The following KIF2A variants were observed in gnomAD, a reference collection of about 807,000 sequenced individuals.
The protein encoded by KIF2A is kinesin family member 2A.
A neutral mutation model predicts 100.2 loss-of-function variants in KIF2A; 22 were observed. The observed-to-expected ratio is 0.22, with a 90% CI of 0.16 to 0.31. The LOEUF is 0.31. Ranked by LOEUF, KIF2A falls within the 10% of genes least tolerant of loss-of-function variation. The pLI is 1.00. For missense variants in KIF2A, 495 were observed against 898.7 expected (o/e 0.55, Z 5.74); for synonymous variants, 268 against 285.9 (o/e 0.94, Z 0.63).
At chr5:62,308,460 G>A in intron 1 of KIF2A, 1 of 900,392 alleles carries the variant, frequency 1.1e-6, no homozygotes, top group Non-Finnish European at 1.8e-6. Context: ...GTTCATTGCA[G>A]CATTATTCAC....
chr5:62,366,171 A>G (rs1445333569), intron 15 of KIF2A, among the ~76,000 whole-genome samples: 3 of 151,726 alleles, frequency 2.0e-5, no homozygotes, highest in African/African-American at 7.3e-5. Context: ...CCTTCCAGGT[A>G]TTAACCTCCT....
chr5:62,357,379 CG>C (rs1347721854), intron 7 of KIF2A, among the ~76,000 whole-genome samples: 1 of 152,162 alleles, frequency 6.6e-6, no homozygotes, highest in Non-Finnish European at 1.5e-5. Flanking sequence ...CCATCATGCC[CG>C]GCCTCCTCAC....
intron 1 of KIF2A, among the ~76,000 whole-genome samples, chr5:62,314,539 A>C (rs922633370): frequency 6.6e-6 from 1 of 152,132 alleles, no homozygotes; most frequent in Admixed American, 6.5e-5. Flanking sequence ...GTTATGTGTA[A>C]TTTGGATATA....
At chr5:62,361,142 TAA>T (rs1442296788) in intron 9 of KIF2A, 98 bp from the exon 10 acceptor site, 17 of 523,146 alleles carry the variant, frequency 3.2e-5, no homozygotes, top group Non-Finnish European at 5.2e-5. Flanking sequence ...ATCTTGCTAT[TAA>T]GTTTTATTTA....
At chr5:62,334,522 C>T (rs1486874252) in intron 1 of KIF2A, among the ~76,000 whole-genome samples, 1 of 138,130 alleles carries the variant, frequency 7.2e-6, no homozygotes, top group Non-Finnish European at 1.6e-5. Flanking sequence ...TCCCCCTCTT[C>T]CTCCCCCTCT....
chr5:62,381,581 C>G (rs1452260427), intron 20 of KIF2A, among the ~76,000 whole-genome samples: 3 of 152,080 alleles, frequency 2.0e-5, no homozygotes, highest in East Asian at 1.9e-4. Context: ...CTTTCTGTGC[C>G]TTTTTTCGGG....
intron 1 of KIF2A, among the ~76,000 whole-genome samples, chr5:62,338,837 C>G (rs1414441262): frequency 6.6e-6 from 1 of 151,936 alleles, no homozygotes; most frequent in Admixed American, 6.6e-5. Context: ...ATATAGAATT[C>G]CTATAGAGAA....
chr5:62,331,762 GAAA>G (rs11418837), intron 1 of KIF2A, among the ~76,000 whole-genome samples: 1 of 142,652 alleles, frequency 7.0e-6, no homozygotes, highest in African/African-American at 2.6e-5. Context: ...AAATAGAAAC[GAAA>G]AAAAAAAAAA....
chr5:62,344,856 T>C (rs1007720596), intron 1 of KIF2A, among the ~76,000 whole-genome samples: 3 of 152,252 alleles, frequency 2.0e-5, no homozygotes, highest in Non-Finnish European at 2.9e-5. Flanking sequence ...AACACCAGTA[T>C]ATCATTTGAG....
chr5:62,352,520 C>T, intron 4 of KIF2A, 68 bp from the exon 5 acceptor site: 1 of 1,260,856 alleles, frequency 7.9e-7, no homozygotes, highest in Non-Finnish European at 1.1e-6. Context: ...GCTATCTCTT[C>T]CTTTTACTAA....
intron 16 of KIF2A, among the ~76,000 whole-genome samples, chr5:62,368,039 A>G (rs1313985883): frequency 6.6e-6 from 1 of 152,182 alleles, no homozygotes; most frequent in Non-Finnish European, 1.5e-5. Flanking sequence ...TAAAATACTT[A>G]TGCATATAGA....
chr5:62,363,977 T>A, intron 14 of KIF2A, 78 bp downstream of exon 14: 1 of 1,087,972 alleles, frequency 9.2e-7, no homozygotes, highest in Non-Finnish European at 1.3e-6. Context: ...AAAATAGTAG[T>A]ACTTGTTTTA....
At chr5:62,322,563 A>G (rs1481767416) in intron 1 of KIF2A, among the ~76,000 whole-genome samples, 3 of 152,194 alleles carry the variant, frequency 2.0e-5, no homozygotes, top group Non-Finnish European at 2.9e-5. Flanking sequence ...TTGACCTTTT[A>G]ACATAGAAAA....
At chr5:62,379,586 C>T (rs1741691722) in intron 19 of KIF2A, among the ~76,000 whole-genome samples, 1 of 151,548 alleles carries the variant, frequency 6.6e-6, no homozygotes, top group Admixed American at 6.6e-5. Flanking sequence ...TGCTTGAACC[C>T]AGCAGGCGGA....
intron 5 of KIF2A, 102 bp downstream of exon 5, chr5:62,352,812 G>A: frequency 1.2e-6 from 1 of 822,376 alleles, no homozygotes; most frequent in South Asian, 3.2e-5. Flanking sequence ...CTAAATACAA[G>A]CTTGATTGCA....
At position 62,343,964 on chromosome 5, in the gene KIF2A, A is replaced by G. The variant is rs115727428; in HGVS notation, c.65-3166A>G. Among the ~76,000 whole-genome samples, 1,016 of 152,302 alleles carry G rather than the reference A, an allele frequency of 6.7e-3. 19 individuals are homozygous for G. Among genetic ancestry groups the G allele is most frequent in the African/African-American group, 0.023 (972 of 41,574 alleles). On this transcript the variant is annotated intron_variant, in intron 1 of 20. Transcript: ENST00000407818. ...AAGTGAGTAGAGAAGCATAGTGATTAATAGCAAGTACTTTTACATCTGACC... is the reference window on the plus strand; with the variant it reads ...AAGTGAGTAGAGAAGCATAGTGATTGATAGCAAGTACTTTTACATCTGACC...
intron 1 of KIF2A, among the ~76,000 whole-genome samples, chr5:62,346,871 G>C (rs190965405): frequency 2.4e-4 from 37 of 152,286 alleles, no homozygotes; most frequent in Non-Finnish European, 4.4e-5. Flanking sequence ...GTCACTGTGT[G>C]ACCATTTATC....
At chr5:62,365,443 A>G (rs1741020864) in intron 15 of KIF2A, 90 bp downstream of exon 15, 3 of 651,172 alleles carry the variant, frequency 4.6e-6, no homozygotes, top group African/African-American at 3.7e-5. Flanking sequence ...GTTAGTGACA[A>G]TTATTTGAAT....
rs763480335 is a variant in KIF2A, at chr5:62,372,534, T to G, written c.1743T>G (p.Phe581Leu). The change falls in exon 17 of 21, where the codon TTT (phenylalanine) becomes TTG (leucine). Residue 581 changes from phenylalanine (F) to leucine (L), a missense_variant. Physicochemically the swap from Phe to Leu is conservative, Grantham distance 22 (BLOSUM62 0). Around this residue, in one of 10 missense-constraint regions of KIF2A, gnomAD observed 100 missense variants for 138.2 expected, o/e 0.72. Transcript: ENST00000407818. Reference protein sequence around the residue: ...DLSPSYEYDDFSPSVTRVKEL... With the variant: ...DLSPSYEYDDLSPSVTRVKEL... The stretch of plus-strand genomic sequence containing the variant: ...CTCCTTCTTATGAATATGACGACTT[T>G]TCTCCTTCAGTTACCAGGTCTACTT... 2.1e-5 allele frequency: 33 copies of G among 1,600,046 alleles called. No homozygotes were observed. Among genetic ancestry groups the G allele is most frequent in the Non-Finnish European group, 2.7e-5 (32 of 1,167,984 alleles).
Sources: gnomAD v4.1 joint callset for allele counts (sites outside exome capture counted in the v4.1 genomes callset) on GRCh38, gnomAD v4.1.1 for gene constraint, gnomAD v4.1.1 regional missense constraint, MANE v1.5 for transcripts, NCBI Gene and HGNC (gene_info 2026-07-23, HGNC 2026-07-21) for gene names.